P4HA1: variants seen among roughly 807,000 people sequenced by gnomAD.
P4HA1 encodes prolyl 4-hydroxylase subunit alpha-1.
P4HA1 carries 24 observed loss-of-function variants against 72.8 expected under a neutral mutation model. That is an observed-to-expected ratio of 0.33 (90% CI 0.24 to 0.46). The LOEUF is 0.46. P4HA1 is among the 20% of genes least tolerant of loss of function. P4HA1 has a pLI of 1.00. For missense variants in P4HA1, 446 were observed against 640.6 expected (o/e 0.70, Z 3.28); for synonymous variants, 201 against 218.8 (o/e 0.92, Z 0.72).
At chr10:73,064,780 G>A (rs1220853714) in intron 5 of P4HA1, among the ~76,000 whole-genome samples, 1 of 150,674 alleles carries the variant, frequency 6.6e-6, no homozygotes. Flanking sequence ...GGCAGAGGTT[G>A]CAGTGAGCCG....
intron 1 of P4HA1, among the ~76,000 whole-genome samples, chr10:73,091,675 C>T (rs1380398539): frequency 1.3e-5 from 2 of 152,044 alleles, no homozygotes; most frequent in African/African-American, 2.4e-5. Context: ...TGATAGTTCT[C>T]GGCTATTCAT....
intron 10 of P4HA1, among the ~76,000 whole-genome samples, chr10:73,019,894 G>C (rs182791611): frequency 3.3e-5 from 5 of 152,042 alleles, no homozygotes; most frequent in African/African-American, 9.6e-5. Flanking sequence ...AGGATAAAGA[G>C]AGCCTACAAG....
At chr10:73,089,028 CCT>C (rs1345774889) in intron 1 of P4HA1, among the ~76,000 whole-genome samples, 4 of 152,124 alleles carry the variant, frequency 2.6e-5, no homozygotes, top group Non-Finnish European at 4.4e-5. Flanking sequence ...TATAAGAAAT[CCT>C]CTGAGATTTG....
chr10:73,093,875 T>TAA (rs1564640983), intron 1 of P4HA1, among the ~76,000 whole-genome samples: 3 of 36,336 alleles, frequency 8.3e-5, no homozygotes, highest in Admixed American at 4.3e-4. Flanking sequence ...AAAAAAAAAA[T>TAA]ATATATATAT....
chr10:73,076,551 C>G (rs543196406), intron 1 of P4HA1, among the ~76,000 whole-genome samples: 1 of 151,958 alleles, frequency 6.6e-6, no homozygotes, highest in Non-Finnish European at 1.5e-5. Flanking sequence ...GGCAGCAAAG[C>G]CCATTAGTGT....
At chr10:73,047,703 T>C (rs1206292519) in intron 7 of P4HA1, among the ~76,000 whole-genome samples, 1 of 152,070 alleles carries the variant, frequency 6.6e-6, no homozygotes, top group African/African-American at 2.4e-5. Context: ...TTCCCTTCAA[T>C]CATCTATGTA....
intron 5 of P4HA1, among the ~76,000 whole-genome samples, chr10:73,058,218 T>A (rs1841207779): frequency 6.6e-6 from 1 of 151,672 alleles, no homozygotes; most frequent in African/African-American, 2.4e-5. Flanking sequence ...TTTAGATGGT[T>A]ATTAAGAAAT....
At chr10:73,010,684 T>C (rs967891811) in intron 13 of P4HA1, among the ~76,000 whole-genome samples, 1 of 151,766 alleles carries the variant, frequency 6.6e-6, no homozygotes, top group Non-Finnish European at 1.5e-5. Flanking sequence ...GCCTGGGCAA[T>C]ACAGGGAGAC....
chr10:73,047,802 C>A lies in P4HA1; in HGVS notation c.901-701G>T, dbSNP rs564691225. Among the ~76,000 whole-genome samples, 10 of 152,266 alleles carry A rather than the reference C, an allele frequency of 6.6e-5. No individual in the cohort carries two copies. The East Asian group carries it at 1.9e-3, about 29-fold the overall frequency. On this transcript the variant is annotated intron_variant, in intron 7 of 14. Transcript: ENST00000394890. The stretch of plus-strand genomic sequence containing the variant: ...TGGTGGCTCATGCCTATAACCCCAG[C>A]ACTTTGGGATGCTGAGGTAGGAGGA...
intron 1 of P4HA1, among the ~76,000 whole-genome samples, chr10:73,075,380 ATT>A (rs1841673823): frequency 6.6e-6 from 1 of 152,092 alleles, no homozygotes; most frequent in Admixed American, 6.5e-5. Context: ...AAGTGCTGGG[ATT>A]ATAAGTGTGA....
Position 73,033,810 on chromosome 10 carries a change from C to T in P4HA1, c.1149-3440G>A, listed in dbSNP as rs538488459. 5.3e-5 allele frequency among the ~76,000 whole-genome samples: 8 copies of T among 152,244 alleles called. No homozygotes were observed. In the South Asian group the frequency reaches 1.2e-3, roughly 24 times the overall value. On this transcript the variant is annotated intron_variant, in intron 9 of 14. Coordinates refer to ENST00000394890, the MANE Select transcript of P4HA1 (RefSeq NM_001017962.3). ...AAAACACAGGAGCAAATCTTTGTGACGTTGGACGAAGCAATGGTTTAGCTA... is the reference window on the plus strand; with the variant it reads ...AAAACACAGGAGCAAATCTTTGTGATGTTGGACGAAGCAATGGTTTAGCTA...
At chr10:73,023,317 CAAG>C (rs1163417870) in intron 10 of P4HA1, among the ~76,000 whole-genome samples, 1 of 152,116 alleles carries the variant, frequency 6.6e-6, no homozygotes, top group Non-Finnish European at 1.5e-5. Flanking sequence ...ACCCTACAAG[CAAG>C]AAGAGAGTGG....
chr10:73,084,119 T>C (rs113177418), intron 1 of P4HA1, among the ~76,000 whole-genome samples: 15 of 152,354 alleles, frequency 9.8e-5, no homozygotes, highest in African/African-American at 3.6e-4. Context: ...CTATTTTTGA[T>C]TTAAACAAGA....
At position 73,019,730 on chromosome 10, in the gene P4HA1, G is replaced by GGAAAAAAAA. The variant is rs764487873; in HGVS notation, c.1249-2832_1249-2831insTTTTTTTTC. On this transcript the variant is annotated intron_variant, in intron 10 of 14. Coordinates refer to ENST00000394890, the MANE Select transcript of P4HA1 (RefSeq NM_001017962.3). Reference sequence around the variant, plus strand: ...GGCGACAGAGCGAGACTCTGTCTCAGAAAAAAAAAAAAAAAAAGAATTCAA... The same window carrying GGAAAAAAAA: ...GGCGACAGAGCGAGACTCTGTCTCAGGAAAAAAAAAAAAAAAAAAAAAAAAAGAATTCAA... Among the ~76,000 whole-genome samples the GGAAAAAAAA allele has an allele frequency of 6.1e-5, 4 of 65,224 alleles. No homozygotes were observed. The South Asian group carries it at 3.8e-3, about 61-fold the overall frequency. 42.8% of individuals were successfully genotyped at this position (65,224 alleles called of 152,430 possible).
chr10:73,039,070 G>A (rs568038582), intron 9 of P4HA1, among the ~76,000 whole-genome samples: 7 of 152,200 alleles, frequency 4.6e-5, no homozygotes, highest in East Asian at 1.9e-4. Flanking sequence ...ACTTGAGCCC[G>A]GGAGTTTGAG....
rs180957921 is a variant in P4HA1 at position 73,040,808 on chromosome 10, A to G, written c.1148+4173T>C. On this transcript the variant is annotated intron_variant, in intron 9 of 14. Transcript: ENST00000394890. ...TTATATGCTTCCTAGAAGCATGCAA[A>G]TCTAGAGGATTTAGCTATTTACAAA... Among the ~76,000 whole-genome samples the G allele has an allele frequency of 1.9e-3, 294 of 152,258 alleles. 3 individuals are homozygous for G. Among genetic ancestry groups the G allele is most frequent in the Middle Eastern group, 6.8e-3 (2 of 294 alleles).
intron 1 of P4HA1, among the ~76,000 whole-genome samples, chr10:73,096,406 G>A (rs1418705144): frequency 6.6e-6 from 1 of 152,006 alleles, no homozygotes; most frequent in African/African-American, 2.4e-5. Flanking sequence ...GGAGGACCAG[G>A]TGCAGGGGAA....
intron 6 of P4HA1, among the ~76,000 whole-genome samples, chr10:73,052,454 T>G (rs1841043565): frequency 6.6e-6 from 1 of 152,198 alleles, no homozygotes; most frequent in African/African-American, 2.4e-5. Flanking sequence ...TTTGAGTGAC[T>G]GGCTTATAGA....
intron 5 of P4HA1, among the ~76,000 whole-genome samples, chr10:73,062,330 T>C (rs1006523566): frequency 1.3e-5 from 2 of 152,088 alleles, no homozygotes; most frequent in African/African-American, 2.4e-5. Flanking sequence ...GCTCTTTTTA[T>C]GCTGTTACAC....
Sources: gnomAD v4.1 joint callset for allele counts (sites outside exome capture counted in the v4.1 genomes callset) on GRCh38, gnomAD v4.1.1 for gene constraint, MANE v1.5 for transcripts, NCBI Gene and HGNC (gene_info 2026-07-23, HGNC 2026-07-21) for gene names.